FBH1: variants seen among roughly 807,000 people sequenced by gnomAD.
FBH1 encodes the protein F-box DNA helicase 1.
Under a neutral mutation model 115.5 loss-of-function variants are expected in FBH1, and 43 were observed. That is an observed-to-expected ratio of 0.37 (90% CI 0.29 to 0.48). The LOEUF (loss-of-function observed/expected upper bound fraction) is 0.48. FBH1 is among the 20% of genes least tolerant of loss of function. The pLI is 0.99. For missense variants in FBH1, 1,001 were observed against 1,337.3 expected, an observed-to-expected ratio of 0.75 and a Z score of 3.92; for synonymous variants, 524 against 507.8, an observed-to-expected ratio of 1.03 and a Z score of -0.43.
chr10:5,898,902 G>A (rs957193303), intron 1 of FBH1, among the ~76,000 whole-genome samples: 5 of 152,168 alleles, frequency 3.3e-5, no homozygotes, highest in African/African-American at 1.2e-4. Flanking sequence ...TCGACTCTCA[G>A]GCATGTGATG....
rs1319515165 is a variant in FBH1, at chr10:5,937,334, G to A, written c.*54G>A. On this transcript the variant is annotated 3_prime_UTR_variant, in exon 21 of 21. Transcript: ENST00000362091. ...GAGCAGCTTGCCGAGGACCCCGCGT[G>A]AAGAAAGCCAGCGAGGGGGGCTTCT... is the stretch of plus-strand genomic sequence containing the variant. 3 of 1,433,922 alleles carry A rather than the reference G, an allele frequency of 2.1e-6. No homozygotes were observed. The highest frequency in any genetic ancestry group is 2.8e-6 in the Non-Finnish European group (3 of 1,086,720). 88.8% of individuals were successfully genotyped at this position (1,433,922 alleles called of 1,614,324 possible).
At position 5,918,612 on chromosome 10, in the gene FBH1, T is replaced by C; in HGVS notation, c.2100+134T>C. The C allele has an allele frequency of 8.3e-7, 1 of 1,211,148 alleles. No individual in the cohort carries two copies. Among genetic ancestry groups the C allele is most frequent in the Non-Finnish European group, 1.1e-6 (1 of 909,732 alleles). 75.0% of individuals were successfully genotyped at this position (1,211,148 alleles called of 1,614,324 possible). A position where few individuals can be genotyped will look rare whatever the true frequency, so the allele number is the denominator to read the frequency against. On this transcript the variant is annotated intron_variant, in intron 13 of 20. Transcript: ENST00000362091. This position sits in a 1 kb window ranked among gnomAD's most constrained non-coding sequence, Gnocchi z 4.0. ...CTTCTAAGCCATGGTTCTCAAAGTG[T>C]GGTTCTCAGGGGTCTGCCAAGTCAC... is the stretch of plus-strand genomic sequence containing the variant.
At chr10:5,928,108 T>C (rs1351733799) in intron 19 of FBH1, among the ~76,000 whole-genome samples, 4 of 137,614 alleles carry the variant, frequency 2.9e-5, no homozygotes, top group Non-Finnish European at 4.7e-5. Context: ...ATACCAGCAG[T>C]GGTCATGTAT....
rs1178374576 is a variant in FBH1 at position 5,913,393 on chromosome 10, T to C, written c.1212-354T>C. Among the ~76,000 whole-genome samples the C allele has an allele frequency of 6.6e-6, 1 of 151,938 alleles. No homozygotes were observed. The highest frequency in any genetic ancestry group is 1.5e-5 in the Non-Finnish European group (1 of 67,976). ...GTAGTAAGTATCATTCAAACAAGAG[T>C]CTCAGTGCTAGGAGCAGTGTTTCCC... On this transcript the variant is annotated intron_variant, in intron 6 of 20. Coordinates refer to ENST00000362091, the MANE Select transcript of FBH1 (RefSeq NM_178150.3). The surrounding 1 kb of genome is among the most constrained non-coding windows in gnomAD (Gnocchi z 4.4).
At chr10:5,901,087 ACT>A (rs1235946156) in intron 1 of FBH1, among the ~76,000 whole-genome samples, 1 of 151,522 alleles carries the variant, frequency 6.6e-6, no homozygotes. Context: ...ACAGAGGGAG[ACT>A]CTGTCTCAAA....
Position 5,936,747 on chromosome 10 carries a change from A to G in FBH1, c.2961+160A>G. Reference sequence around the variant, plus strand: ...GCACAAGAGGTGTGTGGTCTGTCCCAGGGTCAGAGGTCAGGGCACGTGATG... The same window carrying G: ...GCACAAGAGGTGTGTGGTCTGTCCCGGGGTCAGAGGTCAGGGCACGTGATG... On this transcript the variant is annotated intron_variant, in intron 20 of 20. Coordinates refer to ENST00000362091, the MANE Select transcript of FBH1 (RefSeq NM_178150.3). This position sits in a 1 kb window ranked among gnomAD's most constrained non-coding sequence, Gnocchi z 5.6. 1 of 948,002 alleles carries G rather than the reference A, an allele frequency of 1.1e-6. No homozygotes were observed. Among genetic ancestry groups the G allele is most frequent in the Non-Finnish European group, 1.6e-6 (1 of 644,956 alleles). The allele number at this position is 948,002 out of a possible 1,614,324, so 58.7% of individuals were successfully genotyped here.
chr10:5,891,038 C>T (rs760800648), intron 1 of FBH1: 2 of 460,234 alleles, frequency 4.3e-6, no homozygotes, highest in Non-Finnish European at 5.7e-6. Flanking sequence ...CGAAGACAAC[C>T]CTATGAGGCA....
chr10:5,891,600 A>G (rs997413561), intron 1 of FBH1, among the ~76,000 whole-genome samples: 1 of 152,130 alleles, frequency 6.6e-6, no homozygotes, highest in Non-Finnish European at 1.5e-5. Context: ...ACGGGTTCAC[A>G]GTAGGTTGGA....
At chr10:5,902,270 T>C (rs6602330) in intron 1 of FBH1, among the ~76,000 whole-genome samples, 44,003 of 152,012 alleles carry the variant, frequency 0.29, 6,925 homozygotes, top group Non-Finnish European at 0.35. Flanking sequence ...ATTATCATGA[T>C]GTTTTGCTTC....
Position 5,913,227 on chromosome 10 carries a change from C to G in FBH1, c.1212-520C>G, listed in dbSNP as rs1051028712. Among the ~76,000 whole-genome samples, 2 of 152,144 alleles carry G rather than the reference C, an allele frequency of 1.3e-5. No individual in the cohort carries two copies. The highest frequency in any genetic ancestry group is 4.8e-5 in the African/African-American group (2 of 41,420). ...GTTTTCAGGTCCTTAGTAGTCAGAT[C>G]TTGTTATCCATAGTGTAGTCCCTTT... On this transcript the variant is annotated intron_variant, in intron 6 of 20. Coordinates refer to ENST00000362091, the MANE Select transcript of FBH1 (RefSeq NM_178150.3). This position sits in a 1 kb window ranked among gnomAD's most constrained non-coding sequence, Gnocchi z 4.4.
rs775740991 is a variant in FBH1 at position 5,906,506 on chromosome 10, G to C, written c.627G>C (p.Leu209=). Residue 209 remains leucine (L), a synonymous_variant, in exon 3 of 21, where the codon CTG becomes CTC. Transcript: ENST00000362091. This position sits in a 1 kb window ranked among gnomAD's most constrained non-coding sequence, Gnocchi z 7.3. ...GGACCTTGCCCTGCCAGGAAGCACT[G>C]AGCCACATTTGCAGCCTGCCTAGTG... ...LLGTLPCQEA[L]SHICSLPSEV... The C allele has an allele frequency of 6.2e-7, 1 of 1,614,126 alleles. No homozygotes were observed. The highest frequency in any genetic ancestry group is 1.1e-5 in the South Asian group (1 of 91,062).
rs1168347059 is a variant in FBH1, at chr10:5,906,916, A to C, written c.753+284A>C. On this transcript the variant is annotated intron_variant, in intron 3 of 20. Transcript: ENST00000362091. This position sits in a 1 kb window ranked among gnomAD's most constrained non-coding sequence, Gnocchi z 7.3. ...TCCTTCCCCTCCCTGGGTTGCTCTC[A>C]TCCTCCCACCTTCCCCACCTGGAGG... is the stretch of plus-strand genomic sequence containing the variant. Among the ~76,000 whole-genome samples, 1 of 149,622 alleles carries C rather than the reference A, an allele frequency of 6.7e-6. No homozygotes were observed. Among genetic ancestry groups the C allele is most frequent in the Non-Finnish European group, 1.5e-5 (1 of 67,682 alleles).
intron 20 of FBH1, 32 bp from the exon 21 acceptor site, chr10:5,937,078 C>G: frequency 6.5e-7 from 1 of 1,550,230 alleles, no homozygotes; most frequent in Non-Finnish European, 8.7e-7. Context: ...TTGGTTGTTC[C>G]CCTTAGCTCT....
rs1831839992 is a variant in FBH1, at chr10:5,915,042, T to C, written c.1397-361T>C. On this transcript the variant is annotated intron_variant, in intron 8 of 20. Transcript: ENST00000362091. This position sits in a 1 kb window ranked among gnomAD's most constrained non-coding sequence, Gnocchi z 5.2. ...CTGGACCTGTCTCTCTCCAGAGACATGCCTTCCCCCTCCCTAACCCTACCC... is the reference window on the plus strand; with the variant it reads ...CTGGACCTGTCTCTCTCCAGAGACACGCCTTCCCCCTCCCTAACCCTACCC... 6.6e-6 allele frequency among the ~76,000 whole-genome samples: 1 copy of C among 152,150 alleles called. No homozygotes were observed.
In FBH1 at chr10:5,925,230, T is replaced by C. The variant is rs1049414667; in HGVS notation, c.2597-137T>C. The C allele has an allele frequency of 2.6e-5, 26 of 1,018,904 alleles. No homozygotes were observed. Among genetic ancestry groups the C allele is most frequent in the Non-Finnish European group, 3.7e-5 (26 of 700,990 alleles). 63.1% of individuals were successfully genotyped at this position (1,018,904 alleles called of 1,614,324 possible). A position where few individuals can be genotyped will look rare whatever the true frequency, so the allele number is the denominator to read the frequency against. On this transcript the variant is annotated intron_variant, in intron 17 of 20. Coordinates refer to ENST00000362091, the MANE Select transcript of FBH1 (RefSeq NM_178150.3). This position sits in a 1 kb window ranked among gnomAD's most constrained non-coding sequence, Gnocchi z 4.6. Reference sequence around the variant, plus strand: ...TCTGTTCCCGACAGTTGTTTCCTCTTTCCCCCTTTTCCTACAAAACTGCAC... The same window carrying C: ...TCTGTTCCCGACAGTTGTTTCCTCTCTCCCCCTTTTCCTACAAAACTGCAC...
In FBH1 at chr10:5,897,592, C is replaced by T. The variant is rs764756179; in HGVS notation, c.2-5428C>T. On this transcript the variant is annotated intron_variant, in intron 1 of 20. Transcript: ENST00000362091. This position sits in a 1 kb window ranked among gnomAD's most constrained non-coding sequence, Gnocchi z 4.7. The stretch of plus-strand genomic sequence containing the variant: ...TAAAAATCCAATAAAAGTACCAGCT[C>T]TCCCGCCAGCCAAACTATGGCTGGT... Among the ~76,000 whole-genome samples, 12 of 152,216 alleles carry T rather than the reference C, an allele frequency of 7.9e-5. No homozygotes were observed. The highest frequency in any genetic ancestry group is 6.5e-4 in the Admixed American group (10 of 15,280).
intron 3 of FBH1, among the ~76,000 whole-genome samples, chr10:5,907,239 A>C (rs548674434): frequency 6.6e-6 from 1 of 152,176 alleles, no homozygotes; most frequent in African/African-American, 2.4e-5. Flanking sequence ...TGCTGGGGTT[A>C]CAGGCGTGAG....
rs1340315774 is a variant in FBH1 at position 5,897,676 on chromosome 10, C to T, written c.2-5344C>T. Among the ~76,000 whole-genome samples the T allele has an allele frequency of 1.3e-5, 2 of 152,172 alleles. No individual in the cohort carries two copies. The highest frequency in any genetic ancestry group is 4.8e-5 in the African/African-American group (2 of 41,440). On this transcript the variant is annotated intron_variant, in intron 1 of 20. Coordinates refer to ENST00000362091, the MANE Select transcript of FBH1 (RefSeq NM_178150.3). The surrounding 1 kb of genome is among the most constrained non-coding windows in gnomAD (Gnocchi z 4.7). The stretch of plus-strand genomic sequence containing the variant: ...AGTGCACAGAGGCCAGATCACCAGT[C>T]TAAGCGCCCCTCCCCCGGTACCGAA...
chr10:5,894,549 A>G (rs560954513), intron 1 of FBH1: 2 of 810,144 alleles, frequency 2.5e-6, no homozygotes, highest in South Asian at 1.3e-5. Flanking sequence ...TCATGGCACA[A>G]TTGTAGGATT....
Sources: gnomAD v4.1 joint callset for allele counts (sites outside exome capture counted in the v4.1 genomes callset) on GRCh38, gnomAD v4.1.1 for gene constraint, Gnocchi (gnomAD v3.1) non-coding constraint, MANE v1.5 for transcripts, NCBI Gene and HGNC (gene_info 2026-07-23, HGNC 2026-07-21) for gene names.